DGKQ: variants seen among roughly 807,000 people sequenced by gnomAD.
The protein encoded by DGKQ is diacylglycerol kinase theta, also known as DAG kinase theta.
A neutral mutation model predicts 104.2 loss-of-function variants in DGKQ; 97 were observed. That is an observed-to-expected ratio of 0.93 (90% CI 0.79 to 1.10). The LOEUF (loss-of-function observed/expected upper bound fraction) is 1.10. Among genes scored for constraint, DGKQ ranks in the 50% least tolerant of loss-of-function variants. DGKQ has a pLI of 0.00. For synonymous variants in DGKQ, 736 were observed against 595.2 expected, an observed-to-expected ratio of 1.24 and a Z score of -3.44; for missense variants, 1,465 against 1,352.1, an observed-to-expected ratio of 1.08 and a Z score of -1.31.
At chr4:967,088 C>T (rs377588957) in intron 9 of DGKQ, 34 bp from the exon 10 acceptor site, 33 of 1,544,582 alleles carry the variant, frequency 2.1e-5, no homozygotes, top group Non-Finnish European at 2.8e-5. Context: ...GAGCTCCCCC[C>T]ACCCCGCCCA....
rs752716017 is a variant in DGKQ at position 965,516 on chromosome 4, G to A, written c.1593C>T (p.Ser531=). ...CTTGGGAGGAGTAGATGTGACTCACGGACACCACGGTGGCTGCAAAGGCAG... is the reference window on the plus strand; with the variant it reads ...CTTGGGAGGAGTAGATGTGACTCACAGACACCACGGTGGCTGCAAAGGCAG... The part of the protein sequence containing the change: ...EAGATKATVV[S]VSHIYSSQGA... The change falls in exon 14 of 23, where the codon TCC becomes TCT. Residue 531 remains serine (S), a synonymous_variant. Transcript: ENST00000273814. 1.4e-5 allele frequency: 23 copies of A among 1,611,784 alleles called. No homozygotes were observed. The highest frequency in any genetic ancestry group is 1.1e-4 in the East Asian group (5 of 44,868).
At position 966,457 on chromosome 4, in the gene DGKQ, C is replaced by A. The variant is rs749078824; in HGVS notation, c.1428+9G>T. On this transcript the variant is annotated intron_variant, in intron 12 of 22. Transcript: ENST00000273814. ...GGTTCCCTGGGGGCCGGCGTCCACA[C>A]CCACTCACCTGCCGGATGTCCTGTA... 2 of 1,612,086 alleles carry A rather than the reference C, an allele frequency of 1.2e-6. No homozygotes were observed. The highest frequency in any genetic ancestry group is 3.3e-5 in the Admixed American group (2 of 59,970).
rs1244503339 is a variant in DGKQ, at chr4:959,291, T to G, written c.*1329A>C. The G allele has an allele frequency of 6.6e-6, 1 of 152,376 alleles. No homozygotes were observed. The highest frequency in any genetic ancestry group is 1.5e-5 in the Non-Finnish European group (1 of 68,116). The allele number at this position is 152,376 out of a possible 1,614,324, so 9.4% of individuals were successfully genotyped here. A position where few individuals can be genotyped will look rare whatever the true frequency, so the allele number is the denominator to read the frequency against. On this transcript the variant is annotated 3_prime_UTR_variant, in exon 23 of 23. Transcript: ENST00000273814. ...GGCCAAACCAGAGCCACTTCTGAGG[T>G]CAAAGCCACACCCAGGAAAGCTCCG... is the stretch of plus-strand genomic sequence containing the variant.
At chr4:970,343 G>A (rs1207133855) in intron 2 of DGKQ, among the ~76,000 whole-genome samples, 2 of 152,232 alleles carry the variant, frequency 1.3e-5, no homozygotes, top group Non-Finnish European at 2.9e-5. Context: ...AGCTGAGGGA[G>A]GAATAAGCCT....
intron 18 of DGKQ, 103 bp from the exon 19 acceptor site, chr4:962,185 C>A (rs560285878): frequency 4.1e-5 from 45 of 1,108,894 alleles, no homozygotes; most frequent in Admixed American, 3.8e-5. Flanking sequence ...CAAGGACCAC[C>A]CTGGCACCAA....
At position 971,052 on chromosome 4, in the gene DGKQ, C is replaced by G. The variant is rs868777548; in HGVS notation, c.292G>C (p.Glu98Gln). ...ATCCTCACGTGCTTCAGGCACTTCT[C>G]ATGAGACATGAAATTGCAGACTGTG... is the stretch of plus-strand genomic sequence containing the variant. ...LCDVCNFMSH[E>Q]KCLKHVRIPC... The change falls in exon 2 of 23, where the codon GAG (glutamate) becomes CAG (glutamine). Residue 98 changes from glutamate to glutamine, a missense_variant. Physicochemically the swap from Glu to Gln is conservative, Grantham distance 29 (BLOSUM62 2). Coordinates refer to ENST00000273814, the MANE Select transcript of DGKQ (RefSeq NM_001347.4). This position sits in a 1 kb window ranked among gnomAD's most constrained non-coding sequence, Gnocchi z 4.0. 6.4e-7 allele frequency: 1 copy of G among 1,557,854 alleles called. No individual in the cohort carries two copies. The highest frequency in any genetic ancestry group is 1.4e-5 in the African/African-American group (1 of 73,932).
chr4:964,546 T>A (rs1423039753), intron 15 of DGKQ, among the ~76,000 whole-genome samples: 2 of 143,254 alleles, frequency 1.4e-5, no homozygotes, highest in Non-Finnish European at 3.1e-5. Context: ...CCCCCGGCCC[T>A]GCCCTGTCTC....
At position 961,080 on chromosome 4, in the gene DGKQ, C is replaced by G; in HGVS notation, c.2696G>C (p.Gly899Ala). ...GCCAGCAGCTGAGATGATCATGTGC[C>G]CCGGGGCCTGGACCCAGGGCTCCCC... ...VDGEPWVQAP[G>A]HMIISAAGPK... Residue 899 changes from glycine (G) to alanine (A), a missense_variant, in exon 22 of 23, where the codon GGG becomes GCG. By Grantham distance (60) the Gly-to-Ala change is moderately conservative. Coordinates refer to ENST00000273814, the MANE Select transcript of DGKQ (RefSeq NM_001347.4). 6.2e-7 allele frequency: 1 copy of G among 1,612,328 alleles called. No homozygotes were observed. The highest frequency in any genetic ancestry group is 1.1e-5 in the South Asian group (1 of 91,080).
Position 960,736 on chromosome 4 carries a change from G to T in DGKQ, c.2728-15C>A. On this transcript the variant is annotated splice_polypyrimidine_tract_variant and intron_variant, in intron 22 of 22. Transcript: ENST00000273814. ...AGCATGTGCACCTGTCCCAGGGCAG[G>T]GGACAGAGGACCAGGGTGACATGGC... 1 of 1,610,366 alleles carries T rather than the reference G, an allele frequency of 6.2e-7. No homozygotes were observed.
At chr4:966,347 C>G in intron 12 of DGKQ, 119 bp downstream of exon 12, 1 of 1,188,684 alleles carries the variant, frequency 8.4e-7, no homozygotes, top group Non-Finnish European at 1.2e-6. Context: ...CCCTGTCAGC[C>G]AGGACAGCCG....
rs1171238890 is a variant in DGKQ at position 971,963 on chromosome 4, C to T, written c.272-891G>A. 2.0e-5 allele frequency among the ~76,000 whole-genome samples: 3 copies of T among 152,246 alleles called. No individual in the cohort carries two copies. Among genetic ancestry groups the T allele is most frequent in the East Asian group, 3.9e-4 (2 of 5,182 alleles). Reference sequence around the variant, plus strand: ...CAGATGGGACCGGGAGAAGCTTCTCCTGGCAGCTTAAGAGAAAAGCTCTGG... The same window carrying T: ...CAGATGGGACCGGGAGAAGCTTCTCTTGGCAGCTTAAGAGAAAAGCTCTGG... On this transcript the variant is annotated intron_variant, in intron 1 of 22. Coordinates refer to ENST00000273814, the MANE Select transcript of DGKQ (RefSeq NM_001347.4). The surrounding 1 kb of genome is among the most constrained non-coding windows in gnomAD (Gnocchi z 4.0).
At chr4:972,337 T>C (rs1039765495) in intron 1 of DGKQ, among the ~76,000 whole-genome samples, 7 of 152,222 alleles carry the variant, frequency 4.6e-5, no homozygotes, top group Non-Finnish European at 1.0e-4. Flanking sequence ...CAGGCCACCT[T>C]GTGCAGCCCT....
intron 1 of DGKQ, among the ~76,000 whole-genome samples, chr4:972,125 G>A (rs1471685828): frequency 6.6e-6 from 1 of 152,064 alleles, no homozygotes. Flanking sequence ...TTCCCATACC[G>A]CTGCTGGCCC....
chr4:965,466 G>A (rs368423126), intron 14 of DGKQ, 25 bp downstream of exon 14: 5 of 1,607,964 alleles, frequency 3.1e-6, no homozygotes, highest in African/African-American at 2.7e-5. Flanking sequence ...GGCCTCATGT[G>A]ACCACGTCCC....
rs1247704295 is a variant in DGKQ at position 960,734 on chromosome 4, A to G, written c.2728-13T>C. The G allele has an allele frequency of 4.3e-6, 7 of 1,610,294 alleles. No individual in the cohort carries two copies. Among genetic ancestry groups the G allele is most frequent in the Non-Finnish European group, 5.9e-6 (7 of 1,178,746 alleles). ...TCAGCATGTGCACCTGTCCCAGGGC[A>G]GGGGACAGAGGACCAGGGTGACATG... is the stretch of plus-strand genomic sequence containing the variant. On this transcript the variant is annotated splice_polypyrimidine_tract_variant and intron_variant, in intron 22 of 22. Transcript: ENST00000273814.
In DGKQ at chr4:973,569, T is replaced by C. The variant is rs981607383; in HGVS notation, c.-87A>G. Reference sequence around the variant, plus strand: ...CACGGCCCGGTACACTGCTTCCGACTGCGCCTGCCCCACTGCGCAGGCGCG... The same window carrying C: ...CACGGCCCGGTACACTGCTTCCGACCGCGCCTGCCCCACTGCGCAGGCGCG... On this transcript the variant is annotated 5_prime_UTR_variant, in exon 1 of 23. Coordinates refer to ENST00000273814, the MANE Select transcript of DGKQ (RefSeq NM_001347.4). 9 of 950,128 alleles carry C rather than the reference T, an allele frequency of 9.5e-6. No individual in the cohort carries two copies. Among genetic ancestry groups the C allele is most frequent in the African/African-American group, 3.6e-5 (2 of 55,826 alleles). The allele number at this position is 950,128 out of a possible 1,614,324, so 58.9% of individuals were successfully genotyped here. A position where few individuals can be genotyped will look rare whatever the true frequency, so the allele number is the denominator to read the frequency against.
Position 960,534 on chromosome 4 carries a change from T to G in DGKQ, c.*86A>C, listed in dbSNP as rs1348820900. 2.4e-6 allele frequency: 3 copies of G among 1,271,112 alleles called. No homozygotes were observed. In the East Asian group the frequency reaches 7.0e-5, roughly 30 times the overall value. The allele number at this position is 1,271,112 out of a possible 1,614,324, so 78.7% of individuals were successfully genotyped here. On this transcript the variant is annotated 3_prime_UTR_variant, in exon 23 of 23. Transcript: ENST00000273814. ...TCCGACCACAGGGCCGGCCACTGTG[T>G]GGACGTGGAGCTGCCTCCAGACCAC... is the stretch of plus-strand genomic sequence containing the variant.
rs1219321391 is a variant in DGKQ, at chr4:962,859, C to T, written c.1948G>A (p.Val650Met). Residue 650 changes from valine to methionine, a missense_variant, in exon 17 of 23, where the codon GTG becomes ATG. Val to Met is a conservative substitution (Grantham distance 21). Coordinates refer to ENST00000273814, the MANE Select transcript of DGKQ (RefSeq NM_001347.4). ...TCCAGGGCGCCAAGCACCCAGCCCA[C>T]AGTGCCATCGCCACCACACACCAGC... ...RVLVCGGDGTVGWVLGALEET... is the reference protein window; with the variant it reads ...RVLVCGGDGTMGWVLGALEET... 1.3e-5 allele frequency: 21 copies of T among 1,608,452 alleles called. No homozygotes were observed. Among genetic ancestry groups the T allele is most frequent in the Non-Finnish European group, 1.7e-5 (20 of 1,178,216 alleles).
In DGKQ at chr4:973,223, A is replaced by G; in HGVS notation, c.260T>C (p.Phe87Ser). The G allele has an allele frequency of 6.4e-7, 1 of 1,560,188 alleles. No homozygotes were observed. ...CSDFIWGLAG[F>S]LCDVCNFMSH... Reference sequence around the variant, plus strand: ...GCCCGGGCGCTCACCGTCGCACAGGAAGCCGGCCAGCCCCCAGATGAAGTC... The same window carrying G: ...GCCCGGGCGCTCACCGTCGCACAGGGAGCCGGCCAGCCCCCAGATGAAGTC... Residue 87 changes from phenylalanine (F) to serine (S), a missense_variant, in exon 1 of 23, where the codon TTC becomes TCC. By Grantham distance (155) the Phe-to-Ser change is radical. Transcript: ENST00000273814.
Sources: allele counts gnomAD v4.1 joint callset (sites outside exome capture counted in the v4.1 genomes callset), GRCh38; gene constraint gnomAD v4.1.1; non-coding constraint Gnocchi (gnomAD v3.1); transcripts MANE v1.5; gene names NCBI Gene and HGNC (gene_info 2026-07-23, HGNC 2026-07-21).